PIP4P2: variants seen among roughly 807,000 people sequenced by gnomAD.
PIP4P2 encodes phosphatidylinositol-4,5-bisphosphate 4-phosphatase 2.
Under a neutral mutation model 33.3 loss-of-function variants are expected in PIP4P2, and 19 were observed. The ratio of observed to expected loss-of-function variants is 0.57; its 90% CI spans 0.40 to 0.84. PIP4P2 has a LOEUF of 0.84. Ranked by LOEUF, PIP4P2 falls within the 40% of genes least tolerant of loss-of-function variation. The pLI is 0.00. For synonymous variants in PIP4P2, 110 were observed against 111.9 expected (o/e 0.98, Z 0.11); for missense variants, 270 against 324.7 (o/e 0.83, Z 1.29).
intron 1 of PIP4P2, among the ~76,000 whole-genome samples, chr8:91,024,614 A>G (rs1184212434): frequency 6.6e-6 from 1 of 152,170 alleles, no homozygotes; most frequent in East Asian, 1.9e-4. Context: ...ACCGATCACC[A>G]GTATCCTACC....
At chr8:91,025,341 T>G (rs1464903696) in intron 1 of PIP4P2, among the ~76,000 whole-genome samples, 1 of 152,184 alleles carries the variant, frequency 6.6e-6, no homozygotes, top group African/African-American at 2.4e-5. Context: ...GGAAGCATTA[T>G]ATCCTGTAAA....
chr8:91,019,565 A>C (rs1342344401), intron 3 of PIP4P2, among the ~76,000 whole-genome samples: 3 of 139,274 alleles, frequency 2.2e-5, no homozygotes, highest in African/African-American at 7.9e-5. Flanking sequence ...ACTCTGTCTC[A>C]AAAAAAAAAA....
At chr8:91,036,395 T>C (rs1251840662) in intron 1 of PIP4P2, among the ~76,000 whole-genome samples, 3 of 152,216 alleles carry the variant, frequency 2.0e-5, no homozygotes, top group Non-Finnish European at 4.4e-5. Context: ...CTCGGTCCTC[T>C]TCTGGTGTTC....
At chr8:91,002,533 AAT>A (rs1811712974) in intron 5 of PIP4P2, among the ~76,000 whole-genome samples, 1 of 152,210 alleles carries the variant, frequency 6.6e-6, no homozygotes, top group African/African-American at 2.4e-5. Flanking sequence ...TTTACATTAC[AAT>A]TTTCAGACAA....
intron 1 of PIP4P2, among the ~76,000 whole-genome samples, chr8:91,025,372 A>G (rs1812069278): frequency 6.6e-6 from 1 of 152,154 alleles, no homozygotes; most frequent in Non-Finnish European, 1.5e-5. Context: ...ATCAGATTAC[A>G]TTTCTCATCA....
intron 1 of PIP4P2, among the ~76,000 whole-genome samples, chr8:91,026,913 T>C (rs1021177107): frequency 6.6e-6 from 1 of 152,258 alleles, no homozygotes; most frequent in East Asian, 1.9e-4. Flanking sequence ...TTGAGCATTA[T>C]GGTAGTAATA....
intron 5 of PIP4P2, among the ~76,000 whole-genome samples, chr8:91,007,506 C>A (rs934510289): frequency 6.6e-6 from 1 of 152,134 alleles, no homozygotes; most frequent in African/African-American, 2.4e-5. Context: ...TTATTTCAAA[C>A]CTCTTATTTT....
intron 1 of PIP4P2, among the ~76,000 whole-genome samples, chr8:91,023,681 GA>G (rs1266438372): frequency 6.6e-6 from 1 of 151,994 alleles, no homozygotes; most frequent in Non-Finnish European, 1.5e-5. Context: ...TCTAATATAA[GA>G]GAGACCATAA....
intron 3 of PIP4P2, among the ~76,000 whole-genome samples, chr8:91,019,395 CAAAAA>C (rs71510466): frequency 1.5e-4 from 3 of 19,704 alleles, no homozygotes; most frequent in African/African-American, 2.4e-4. Flanking sequence ...CCTGTCTCTA[CAAAAA>C]AAAAAAAAAA....
chr8:91,036,418 T>G (rs553399747), intron 1 of PIP4P2, among the ~76,000 whole-genome samples: 1 of 152,312 alleles, frequency 6.6e-6, no homozygotes, highest in South Asian at 2.1e-4. Flanking sequence ...CGTCTTCTGG[T>G]GTTCTGGTAA....
At chr8:91,011,480 T>C (rs1811836625) in intron 4 of PIP4P2, among the ~76,000 whole-genome samples, 1 of 152,078 alleles carries the variant, frequency 6.6e-6, no homozygotes, top group Admixed American at 6.6e-5. Flanking sequence ...TCAGGCTAGA[T>C]GATCTCAAAA....
intron 5 of PIP4P2, among the ~76,000 whole-genome samples, chr8:91,008,257 A>C (rs567290505): frequency 1.3e-5 from 2 of 152,228 alleles, no homozygotes; most frequent in East Asian, 3.9e-4. Context: ...CATTAGGTGC[A>C]TCATTTAGGA....
intron 1 of PIP4P2, among the ~76,000 whole-genome samples, chr8:91,037,011 AC>A (rs756951857): frequency 2.6e-5 from 4 of 152,208 alleles, no homozygotes; most frequent in Non-Finnish European, 5.9e-5. Flanking sequence ...TTCTTACATG[AC>A]AAGTTACTTT....
intron 1 of PIP4P2, among the ~76,000 whole-genome samples, chr8:91,034,177 C>T (rs539793556): frequency 6.6e-6 from 1 of 152,144 alleles, no homozygotes; most frequent in African/African-American, 2.4e-5. Flanking sequence ...ATAACGCTTA[C>T]TGTATGTATC....
chr8:91,023,884 T>C (rs1408984406), intron 1 of PIP4P2, among the ~76,000 whole-genome samples: 1 of 151,970 alleles, frequency 6.6e-6, no homozygotes, highest in African/African-American at 2.4e-5. Context: ...ATTAGGTTGC[T>C]GCAAAAGTAA....
At chr8:91,008,456 G>C (rs982460249) in intron 5 of PIP4P2, among the ~76,000 whole-genome samples, 2 of 152,094 alleles carry the variant, frequency 1.3e-5, no homozygotes, top group Non-Finnish European at 2.9e-5. Flanking sequence ...ATTTGTAACA[G>C]ATTATAATAT....
chr8:91,036,710 G>A (rs1359365223), intron 1 of PIP4P2, among the ~76,000 whole-genome samples: 3 of 152,172 alleles, frequency 2.0e-5, no homozygotes, highest in African/African-American at 7.2e-5. Context: ...TAATAATAAA[G>A]ATTTAATCCA....
intron 1 of PIP4P2, among the ~76,000 whole-genome samples, chr8:91,036,200 G>A (rs956870098): frequency 1.3e-5 from 2 of 151,662 alleles, no homozygotes; most frequent in African/African-American, 4.9e-5. Flanking sequence ...TTCAGCCCAG[G>A]CCCCGTTTCT....
Position 91,017,104 on chromosome 8 carries a change from A to G in PIP4P2, c.486+1286T>C, listed in dbSNP as rs538142208. On this transcript the variant is annotated intron_variant, in intron 4 of 6. Transcript: ENST00000285419. Reference sequence around the variant, plus strand: ...AAAGGAATATGAGTGGGAGGGCAGTATAAGTGCTAAGTTCTCATTTTGCAG... The same window carrying G: ...AAAGGAATATGAGTGGGAGGGCAGTGTAAGTGCTAAGTTCTCATTTTGCAG... Among the ~76,000 whole-genome samples, 4 of 152,362 alleles carry G rather than the reference A, an allele frequency of 2.6e-5. No individual in the cohort carries two copies. In the South Asian group the frequency reaches 8.3e-4, roughly 32 times the overall value.
Sources: allele counts gnomAD v4.1 joint callset (sites outside exome capture counted in the v4.1 genomes callset), GRCh38; gene constraint gnomAD v4.1.1; transcripts MANE v1.5; gene names NCBI Gene and HGNC (gene_info 2026-07-23, HGNC 2026-07-21).